SGCZ: variants seen among roughly 807,000 people sequenced by gnomAD.
SGCZ encodes sarcoglycan zeta, also known as zeta-sarcoglycan.
In SGCZ, 40 loss-of-function variants were observed where a neutral mutation model predicts 41.3. That is an observed-to-expected ratio of 0.97 (90% CI 0.75 to 1.26). SGCZ has a LOEUF of 1.26. Ranked by LOEUF, SGCZ falls within the 50% of genes most tolerant of loss-of-function variation. The pLI, the probability that SGCZ is intolerant of heterozygous loss-of-function variation, is 0.00. For synonymous variants in SGCZ, 206 were observed against 137.5 expected (o/e 1.50, Z -3.49); for missense variants, 552 against 369.8 (o/e 1.49, Z -4.04).
At position 14,622,511 on chromosome 8, in the gene SGCZ, A is replaced by G. The variant is rs549237735; in HGVS notation, c.40-67585T>C. Among the ~76,000 whole-genome samples, 10 of 152,334 alleles carry G rather than the reference A, an allele frequency of 6.6e-5. No homozygotes were observed. In the South Asian group the frequency reaches 2.1e-3, roughly 32 times the overall value. ...GACTACACAAAATTTAAATAACAAA[A>G]AACAAGAACTAGATGTCACCTGAAA... On this transcript the variant is annotated intron_variant, in intron 1 of 7. Coordinates refer to ENST00000382080, the MANE Select transcript of SGCZ (RefSeq NM_139167.4).
At chr8:14,567,598 T>A (rs528450056) in intron 1 of SGCZ, among the ~76,000 whole-genome samples, 21 of 152,294 alleles carry the variant, frequency 1.4e-4, no homozygotes, top group Non-Finnish European at 7.4e-5. Context: ...AAAAGCAGGC[T>A]GCCTAAGCCA....
intron 1 of SGCZ, among the ~76,000 whole-genome samples, chr8:15,095,763 C>T (rs1806325225): frequency 6.6e-6 from 1 of 152,060 alleles, no homozygotes; most frequent in African/African-American, 2.4e-5. Context: ...CAAAACTTTA[C>T]GATTTTCAAT....
chr8:15,124,995 T>C (rs1231622410), intron 1 of SGCZ, among the ~76,000 whole-genome samples: 1 of 151,994 alleles, frequency 6.6e-6, no homozygotes, highest in Non-Finnish European at 1.5e-5. Flanking sequence ...TGCTTAAAGG[T>C]TATATATAGT....
chr8:15,114,083 T>A (rs1425296244), intron 1 of SGCZ, among the ~76,000 whole-genome samples: 1 of 152,244 alleles, frequency 6.6e-6, no homozygotes, highest in African/African-American at 2.4e-5. Context: ...CCTGATAAAT[T>A]TGACATTTAA....
intron 3 of SGCZ, among the ~76,000 whole-genome samples, chr8:14,289,999 T>G (rs1473925532): frequency 1.3e-5 from 2 of 151,708 alleles, no homozygotes; most frequent in East Asian, 3.9e-4. Context: ...ACAGCAGATC[T>G]TGTGAGAACT....
At chr8:14,285,045 G>A (rs912907240) in intron 3 of SGCZ, among the ~76,000 whole-genome samples, 2 of 152,098 alleles carry the variant, frequency 1.3e-5, no homozygotes, top group African/African-American at 2.4e-5. Context: ...TAGAGTGAGA[G>A]ACTTATTACA....
At chr8:15,165,975 T>G (rs564072102) in intron 1 of SGCZ, among the ~76,000 whole-genome samples, 69 of 152,360 alleles carry the variant, frequency 4.5e-4, no homozygotes, top group African/African-American at 1.6e-3. Flanking sequence ...GGATTTTGCT[T>G]CTTCAACATT....
intron 2 of SGCZ, among the ~76,000 whole-genome samples, chr8:14,360,834 T>G (rs991407173): frequency 6.6e-6 from 1 of 152,228 alleles, no homozygotes; most frequent in South Asian, 2.1e-4. Context: ...CAACTGCATG[T>G]TTAGTATTTT....
intron 2 of SGCZ, among the ~76,000 whole-genome samples, chr8:14,333,916 T>C (rs1199021304): frequency 1.3e-5 from 2 of 152,150 alleles, no homozygotes; most frequent in African/African-American, 4.8e-5. Flanking sequence ...GAAGTCTATG[T>C]AAAGATTCAG....
intron 2 of SGCZ, among the ~76,000 whole-genome samples, chr8:14,528,837 AC>A (rs1447518734): frequency 0.025 from 3,659 of 145,250 alleles, 250 homozygotes; most frequent in African/African-American, 0.086. Context: ...CAAAAAAAAA[AC>A]AAAACAAAAA....
intron 4 of SGCZ, among the ~76,000 whole-genome samples, chr8:14,217,171 C>A (rs1424163907): frequency 6.6e-6 from 1 of 151,726 alleles, no homozygotes; most frequent in Non-Finnish European, 1.5e-5. Context: ...TGGCAGGCAC[C>A]TGTAGTCCTA....
At chr8:14,840,215 G>C (rs545616955) in intron 1 of SGCZ, among the ~76,000 whole-genome samples, 5 of 152,124 alleles carry the variant, frequency 3.3e-5, no homozygotes, top group Non-Finnish European at 1.5e-5. Context: ...AAATACAAGA[G>C]AGATGAGTGT....
Position 14,961,809 on chromosome 8 carries a change from T to A in SGCZ, c.39+275776A>T, listed in dbSNP as rs188562668. ...CCCACAAGTAGTGTAAGCAGTTGGGTAGTACAGGATCACTCAACAGACAAC... is the reference window on the plus strand; with the variant it reads ...CCCACAAGTAGTGTAAGCAGTTGGGAAGTACAGGATCACTCAACAGACAAC... On this transcript the variant is annotated intron_variant, in intron 1 of 7. Transcript: ENST00000382080. 1.9e-3 allele frequency among the ~76,000 whole-genome samples: 283 copies of A among 152,086 alleles called. 1 individual carries two copies. The highest frequency in any genetic ancestry group is 6.5e-3 in the African/African-American group (271 of 41,490).
intron 2 of SGCZ, among the ~76,000 whole-genome samples, chr8:14,512,059 T>C (rs1802482711): frequency 6.6e-6 from 1 of 152,104 alleles, no homozygotes; most frequent in African/African-American, 2.4e-5. Context: ...CTATCAAATA[T>C]CCATCACCAC....
At chr8:14,798,187 A>T (rs1801200732) in intron 1 of SGCZ, among the ~76,000 whole-genome samples, 1 of 152,230 alleles carries the variant, frequency 6.6e-6, no homozygotes, top group South Asian at 2.1e-4. Context: ...ATGTACAGAA[A>T]TCGTTTTAAA....
At chr8:15,217,762 AG>A (rs1801459771) in intron 1 of SGCZ, among the ~76,000 whole-genome samples, 1 of 152,232 alleles carries the variant, frequency 6.6e-6, no homozygotes, top group African/African-American at 2.4e-5. Flanking sequence ...ATAGTCTTCA[AG>A]CAAAGCAATG....
chr8:14,855,077 G>A (rs999004931), intron 1 of SGCZ, among the ~76,000 whole-genome samples: 16 of 151,304 alleles, frequency 1.1e-4, no homozygotes, highest in East Asian at 9.8e-4. Context: ...ATTTAGAGAC[G>A]GAGTCTTGCT....
intron 1 of SGCZ, among the ~76,000 whole-genome samples, chr8:15,236,493 C>G (rs1292886694): frequency 6.6e-6 from 1 of 152,090 alleles, no homozygotes; most frequent in Non-Finnish European, 1.5e-5. Context: ...CCATCTGAAC[C>G]TCTGAAATAG....
chr8:14,530,963 G>C (rs1389573381), intron 2 of SGCZ, among the ~76,000 whole-genome samples: 1 of 152,048 alleles, frequency 6.6e-6, no homozygotes, highest in Non-Finnish European at 1.5e-5. Context: ...AGGCAGACAA[G>C]TTCCCAGGTG....
Sources: allele counts gnomAD v4.1 joint callset (sites outside exome capture counted in the v4.1 genomes callset), GRCh38; gene constraint gnomAD v4.1.1; transcripts MANE v1.5; gene names NCBI Gene and HGNC (gene_info 2026-07-23, HGNC 2026-07-21).